ADRA1A: variants seen among roughly 807,000 people sequenced by gnomAD.
ADRA1A encodes the protein adrenoceptor alpha 1A.
A neutral mutation model predicts 29.6 loss-of-function variants in ADRA1A; 31 were observed. The ratio of observed to expected loss-of-function variants is 1.05; its 90% CI spans 0.79 to 1.41. The LOEUF (loss-of-function observed/expected upper bound fraction) is 1.41. Among genes scored for constraint, ADRA1A ranks in the 40% most tolerant of loss-of-function variants. The pLI, the probability that ADRA1A is intolerant of heterozygous loss-of-function variation, is 0.00. For synonymous variants in ADRA1A, 311 were observed against 254.3 expected, an observed-to-expected ratio of 1.22 and a Z score of -2.12; for missense variants, 619 against 601.1, an observed-to-expected ratio of 1.03 and a Z score of -0.31.
At chr8:26,853,145 C>T (rs1345505063) in intron 2 of ADRA1A, among the ~76,000 whole-genome samples, 2 of 152,038 alleles carry the variant, frequency 1.3e-5, no homozygotes, top group African/African-American at 4.8e-5. Context: ...AATTAAAATA[C>T]ATTTTAAATC....
chr8:26,753,961 T>A (rs1363470598), downstream of ADRA1A, among the ~76,000 whole-genome samples: 1 of 152,258 alleles, frequency 6.6e-6, no homozygotes, highest in Non-Finnish European at 1.5e-5. Flanking sequence ...TAAAATAAAT[T>A]CATTTTTATC....
In ADRA1A at chr8:26,818,512, T is replaced by A. The variant is rs572071299; in HGVS notation, c.883+45575A>T. On this transcript the variant is annotated intron_variant, in intron 2 of 2. Transcript: ENST00000380573. ...TTTACAGATGAGTTTTACCAAACATTCAAGGAATTGATGGCTTAACTATCT... is the reference window on the plus strand; with the variant it reads ...TTTACAGATGAGTTTTACCAAACATACAAGGAATTGATGGCTTAACTATCT... Among the ~76,000 whole-genome samples, 7 of 152,240 alleles carry A rather than the reference T, an allele frequency of 4.6e-5. No homozygotes were observed. In the South Asian group the frequency reaches 1.5e-3, roughly 32 times the overall value.
At position 26,841,872 on chromosome 8, in the gene ADRA1A, A is replaced by G. The variant is rs1811840344; in HGVS notation, c.883+22215T>C. Among the ~76,000 whole-genome samples, 1 of 151,768 alleles carries G rather than the reference A, an allele frequency of 6.6e-6. No homozygotes were observed. The highest frequency in any genetic ancestry group is 2.4e-5 in the African/African-American group (1 of 41,260). The stretch of plus-strand genomic sequence containing the variant: ...TTGGCGCCACTTTCTCTTCACTAAA[A>G]TTCTCTCTTCTTTTTGTTGCCAGGA... On this transcript the variant is annotated intron_variant, in intron 2 of 2. Transcript: ENST00000380573. The surrounding 1 kb of genome is among the most constrained non-coding windows in gnomAD (Gnocchi z 4.4).
chr8:26,789,769 G>A (rs1288109956), intron 2 of ADRA1A, among the ~76,000 whole-genome samples: 2 of 152,044 alleles, frequency 1.3e-5, no homozygotes, highest in African/African-American at 4.8e-5. Flanking sequence ...ATTAAACAGT[G>A]AAAAATGTGA....
chr8:26,770,090 G>T lies in ADRA1A; in HGVS notation c.*59C>A, dbSNP rs61760513. On this transcript the variant is annotated 3_prime_UTR_variant, in exon 3 of 3. Transcript: ENST00000380573. ...GTCCTCCAAGAAGAGCTGGCCTTCC[G>T]AGAAGGAAGTGGGGTGGGTACCTAA... The T allele has an allele frequency of 6.4e-4, 965 of 1,512,964 alleles. 3 individuals are homozygous for T. The African/African-American group carries it at 8.9e-3, about 14-fold the overall frequency. 93.7% of individuals were successfully genotyped at this position (1,512,964 alleles called of 1,614,324 possible).
chr8:26,867,346 G>A, upstream of ADRA1A: 2 of 985,282 alleles, frequency 2.0e-6, no homozygotes, highest in African/African-American at 3.5e-5. Flanking sequence ...ACAGGCACAA[G>A]TGCGTATACA....
intron 2 of ADRA1A, among the ~76,000 whole-genome samples, chr8:26,780,800 A>T (rs1274780431): frequency 6.6e-6 from 1 of 152,154 alleles, no homozygotes; most frequent in Non-Finnish European, 1.5e-5. Context: ...TTCCAATAGG[A>T]GCACCAACCC....
downstream of ADRA1A, chr8:26,766,291 C>G (rs1805780593): frequency 1.5e-6 from 1 of 662,480 alleles, no homozygotes; most frequent in African/African-American, 1.8e-5. Context: ...TTCAATACAA[C>G]ACCCGATATG....
At chr8:26,764,831 G>A (rs1278196921), downstream of ADRA1A, among the ~76,000 whole-genome samples, 1 of 152,224 alleles carries the variant, frequency 6.6e-6, no homozygotes. Context: ...GGCTTTTGAA[G>A]AAGCCAGTGC....
At chr8:26,784,402 T>C (rs564344744) in intron 2 of ADRA1A, among the ~76,000 whole-genome samples, 2 of 152,302 alleles carry the variant, frequency 1.3e-5, no homozygotes, top group African/African-American at 4.8e-5. Context: ...CCACCAATAA[T>C]AGTTTCTGGA....
chr8:26,777,063 A>T (rs1032288116), intron 2 of ADRA1A, among the ~76,000 whole-genome samples: 24 of 152,170 alleles, frequency 1.6e-4, no homozygotes, highest in Non-Finnish European at 3.1e-4. Flanking sequence ...TAAACCCCAG[A>T]GACAAGCTAT....
intron 2 of ADRA1A, chr8:26,748,846 G>A: frequency 2.8e-6 from 1 of 361,138 alleles, no homozygotes; most frequent in Non-Finnish European, 5.3e-6. Flanking sequence ...CACCCTCCCA[G>A]CTTGCATTTG....
chr8:26,801,697 T>C (rs760753465), intron 2 of ADRA1A, among the ~76,000 whole-genome samples: 41 of 151,928 alleles, frequency 2.7e-4, no homozygotes, highest in Non-Finnish European at 5.1e-4. Flanking sequence ...CACAAAGCAA[T>C]CTACAGATTC....
chr8:26,834,418 G>A (rs993764877), intron 2 of ADRA1A, among the ~76,000 whole-genome samples: 8 of 152,190 alleles, frequency 5.3e-5, no homozygotes, highest in African/African-American at 1.9e-4. Flanking sequence ...GGGTGGAAAG[G>A]GGGAGCTTTT....
intron 2 of ADRA1A, among the ~76,000 whole-genome samples, chr8:26,807,459 A>T (rs931492329): frequency 1.3e-5 from 2 of 152,212 alleles, no homozygotes; most frequent in African/African-American, 4.8e-5. Context: ...GTCAATTTTT[A>T]TTATTTGGAG....
At chr8:26,761,537 A>C (rs992510146), downstream of ADRA1A, among the ~76,000 whole-genome samples, 1 of 152,226 alleles carries the variant, frequency 6.6e-6, no homozygotes, top group Non-Finnish European at 1.5e-5. Context: ...GGACAGAGAA[A>C]TGCAGAGGAA....
Position 26,831,710 on chromosome 8 carries a change from A to G in ADRA1A, c.883+32377T>C, listed in dbSNP as rs1003689187. 6.6e-6 allele frequency among the ~76,000 whole-genome samples: 1 copy of G among 152,262 alleles called. No homozygotes were observed. Among genetic ancestry groups the G allele is most frequent in the African/African-American group, 2.4e-5 (1 of 41,478 alleles). ...TTGTTTTCTTTCCAGGACAAGAAGA[A>G]CATAGTTTCACTCGCAGGGAATGAA... On this transcript the variant is annotated intron_variant, in intron 2 of 2. Coordinates refer to ENST00000380573, the MANE Select transcript of ADRA1A (RefSeq NM_000680.4). This position sits in a 1 kb window ranked among gnomAD's most constrained non-coding sequence, Gnocchi z 5.2.
At chr8:26,803,298 C>T (rs1049747074) in intron 2 of ADRA1A, among the ~76,000 whole-genome samples, 10 of 151,972 alleles carry the variant, frequency 6.6e-5, no homozygotes, top group African/African-American at 1.9e-4. Context: ...TATTCTGATA[C>T]GATTATTACA....
At chr8:26,778,729 G>A (rs1486420954) in intron 2 of ADRA1A, among the ~76,000 whole-genome samples, 2 of 144,216 alleles carry the variant, frequency 1.4e-5, no homozygotes, top group African/African-American at 5.1e-5. Flanking sequence ...TCACTCATAA[G>A]TGGGAATTGA....
Sources: allele counts gnomAD v4.1 joint callset (sites outside exome capture counted in the v4.1 genomes callset), GRCh38; gene constraint gnomAD v4.1.1; non-coding constraint Gnocchi (gnomAD v3.1); transcripts MANE v1.5; gene names NCBI Gene and HGNC (gene_info 2026-07-23, HGNC 2026-07-21).